Variants in TEKT5 observed in about 807,000 individuals in gnomAD.
TEKT5 encodes tektin 5.
A neutral mutation model predicts 48.7 loss-of-function variants in TEKT5; 52 were observed. The observed-to-expected ratio is 1.07, with a 90% CI of 0.86 to 1.35. The LOEUF (loss-of-function observed/expected upper bound fraction) is 1.35, where lower values mean the gene tolerates loss of function less well. TEKT5 is among the 40% of genes most tolerant of loss of function. The pLI, the probability that TEKT5 is intolerant of heterozygous loss-of-function variation, is 0.00. For missense variants in TEKT5, 831 were observed against 641.6 expected, an observed-to-expected ratio of 1.30 and a Z score of -3.19; for synonymous variants, 318 against 267.6, an observed-to-expected ratio of 1.19 and a Z score of -1.84.
At chr16:10,639,628 G>T (rs149792576) in intron 5 of TEKT5, among the ~76,000 whole-genome samples, 10 of 152,324 alleles carry the variant, frequency 6.6e-5, no homozygotes, top group African/African-American at 2.2e-4. Context: ...AGCTATTCCA[G>T]TGCTCACAGT....
At chr16:10,662,198 A>G (rs2253911) in intron 5 of TEKT5, among the ~76,000 whole-genome samples, 65,963 of 151,868 alleles carry the variant, frequency 0.43, 15,037 homozygotes, top group East Asian at 0.64. Flanking sequence ...GCCAATCATC[A>G]GTAGCACGCA....
intron 3 of TEKT5, among the ~76,000 whole-genome samples, chr16:10,685,117 A>G (rs1234566401): frequency 6.6e-6 from 1 of 152,210 alleles, no homozygotes; most frequent in African/African-American, 2.4e-5. Context: ...CTGCCCAGCG[A>G]CAAACAGCCT....
chr16:10,669,042 T>C (rs957716963), intron 5 of TEKT5, among the ~76,000 whole-genome samples: 1 of 152,194 alleles, frequency 6.6e-6, no homozygotes, highest in Non-Finnish European at 1.5e-5. Flanking sequence ...ATCTGAAATT[T>C]TTTTATGTGA....
intron 6 of TEKT5, among the ~76,000 whole-genome samples, chr16:10,633,221 C>T (rs902811017): frequency 1.1e-4 from 17 of 152,246 alleles, no homozygotes; most frequent in African/African-American, 3.9e-4. Context: ...ATTAGCCGAG[C>T]ATGGTGGCAG....
chr16:10,663,921 G>A (rs1898416660), intron 5 of TEKT5, among the ~76,000 whole-genome samples: 1 of 152,226 alleles, frequency 6.6e-6, no homozygotes, highest in African/African-American at 2.4e-5. Context: ...GCTGCTTTCG[G>A]AATATGTCAG....
At chr16:10,665,762 C>T (rs567242809) in intron 5 of TEKT5, among the ~76,000 whole-genome samples, 11 of 152,200 alleles carry the variant, frequency 7.2e-5, no homozygotes, top group African/African-American at 2.2e-4. Context: ...CCTGAGCCCA[C>T]GTGACACTGG....
chr16:10,679,492 T>C (rs533196772), intron 4 of TEKT5, among the ~76,000 whole-genome samples: 39 of 151,784 alleles, frequency 2.6e-4, no homozygotes, highest in African/African-American at 8.5e-4. Context: ...CCATCATCAT[T>C]ATCATCATTG....
At chr16:10,649,731 C>T (rs978167256) in intron 5 of TEKT5, among the ~76,000 whole-genome samples, 3 of 152,170 alleles carry the variant, frequency 2.0e-5, no homozygotes, top group African/African-American at 7.2e-5. Context: ...CCACTGCACT[C>T]GGCCTATTTT....
chr16:10,660,007 C>T (rs773035429), intron 5 of TEKT5, among the ~76,000 whole-genome samples: 6 of 152,152 alleles, frequency 3.9e-5, no homozygotes, highest in Non-Finnish European at 8.8e-5. Context: ...ACTCTCAATA[C>T]GTATTACTAT....
chr16:10,687,462 T>G (rs1204545810), intron 3 of TEKT5, among the ~76,000 whole-genome samples: 3 of 152,232 alleles, frequency 2.0e-5, no homozygotes, highest in Non-Finnish European at 2.9e-5. Flanking sequence ...TAAGAGTATT[T>G]AGGCCAGGCG....
chr16:10,690,233 C>A (rs1303035545), intron 1 of TEKT5: 1 of 567,158 alleles, frequency 1.8e-6, no homozygotes, highest in Non-Finnish European at 3.1e-6. Flanking sequence ...ACCAAGGCAT[C>A]CGGAGATGCA....
chr16:10,655,188 G>A (rs1898240322), intron 5 of TEKT5, among the ~76,000 whole-genome samples: 1 of 152,080 alleles, frequency 6.6e-6, no homozygotes, highest in Admixed American at 6.6e-5. Flanking sequence ...CACACATGCT[G>A]AACGGGTAAC....
intron 5 of TEKT5, among the ~76,000 whole-genome samples, chr16:10,662,101 G>A (rs1295014764): frequency 1.3e-5 from 2 of 152,088 alleles, no homozygotes; most frequent in African/African-American, 4.8e-5. Flanking sequence ...GACATTTGAG[G>A]CTGGGTGATT....
intron 5 of TEKT5, among the ~76,000 whole-genome samples, chr16:10,654,620 TC>T (rs1480657816): frequency 6.6e-6 from 1 of 152,098 alleles, no homozygotes; most frequent in Non-Finnish European, 1.5e-5. Context: ...ATCCATCTTC[TC>T]CTACCCTTGG....
chr16:10,648,696 C>A (rs553020810), intron 5 of TEKT5, among the ~76,000 whole-genome samples: 1 of 152,298 alleles, frequency 6.6e-6, no homozygotes, highest in Non-Finnish European at 1.5e-5. Context: ...CTCTTTCAAA[C>A]CTGCTGACCA....
rs760562471 is a variant in TEKT5, at chr16:10,694,305, C to T, written c.564+5G>A. 6 of 1,582,748 alleles carry T rather than the reference C, an allele frequency of 3.8e-6. No homozygotes were observed. The highest frequency in any genetic ancestry group is 1.2e-5 in the South Asian group (1 of 85,186). The stretch of plus-strand genomic sequence containing the variant: ...CCACAGCCCTGTCCCCACCCCTGTA[C>T]TCACCTGCAATGGGCAGTTCACCTC... On this transcript the variant is annotated splice_donor_5th_base_variant and intron_variant, in intron 1 of 6. Coordinates refer to ENST00000283025, the MANE Select transcript of TEKT5 (RefSeq NM_144674.2).
chr16:10,645,273 G>A (rs1898053272), intron 5 of TEKT5, among the ~76,000 whole-genome samples: 1 of 152,170 alleles, frequency 6.6e-6, no homozygotes, highest in African/African-American at 2.4e-5. Flanking sequence ...ACTTTGAGAG[G>A]CTGAGGTGGG....
chr16:10,628,379 A>G (rs546712155), intron 6 of TEKT5, among the ~76,000 whole-genome samples: 2 of 152,356 alleles, frequency 1.3e-5, no homozygotes, highest in South Asian at 4.1e-4. Flanking sequence ...AGATTCCTCG[A>G]TAAGTTAGAC....
At chr16:10,692,240 G>A (rs570171108) in intron 1 of TEKT5, among the ~76,000 whole-genome samples, 1 of 152,306 alleles carries the variant, frequency 6.6e-6, no homozygotes, top group Admixed American at 6.5e-5. Flanking sequence ...CAGTAGGTCT[G>A]GGATACTGCT....
Sources: allele counts gnomAD v4.1 joint callset (sites outside exome capture counted in the v4.1 genomes callset), GRCh38; gene constraint gnomAD v4.1.1; transcripts MANE v1.5; gene names NCBI Gene and HGNC (gene_info 2026-07-23, HGNC 2026-07-21).